Variants in TSHR observed in about 807,000 individuals in gnomAD.
TSHR encodes the protein thyroid stimulating hormone receptor, also known as thyrotropin receptor.
Under a neutral mutation model 64.1 loss-of-function variants are expected in TSHR, and 51 were observed. The observed-to-expected ratio is 0.80, with a 90% CI of 0.64 to 1.01. The LOEUF (loss-of-function observed/expected upper bound fraction) is 1.01. TSHR is among the 50% of genes least tolerant of loss of function. The pLI, the probability that TSHR is intolerant of heterozygous loss-of-function variation, is 0.00. For missense variants in TSHR, 877 were observed against 942.8 expected (o/e 0.93, Z 0.91); for synonymous variants, 361 against 361.9 (o/e 1.00, Z 0.03).
chr14:81,104,730 T>A (rs190790149), intron 7 of TSHR: 20,297 of 985,378 alleles, frequency 0.021, 222 homozygotes, highest in Non-Finnish European at 0.023. Context: ...TTTTCCTGAC[T>A]GCATTGGTCT....
chr14:81,014,811 A>T (rs1890101438), intron 1 of TSHR, among the ~76,000 whole-genome samples: 1 of 152,236 alleles, frequency 6.6e-6, no homozygotes, highest in Admixed American at 6.5e-5. Context: ...AATGCCTTCC[A>T]AAGCCTTGGT....
At chr14:81,048,663 T>G (rs895860801) in intron 1 of TSHR, among the ~76,000 whole-genome samples, 1 of 152,182 alleles carries the variant, frequency 6.6e-6, no homozygotes, top group Admixed American at 6.5e-5. Flanking sequence ...TAAAAAATTT[T>G]TAAGTACATG....
chr14:81,141,939 A>T (rs1017644055), intron 9 of TSHR, among the ~76,000 whole-genome samples: 1 of 152,154 alleles, frequency 6.6e-6, no homozygotes, highest in Non-Finnish European at 1.5e-5. Flanking sequence ...AAAAAGATAA[A>T]TTCATTGAAT....
chr14:80,969,838 T>C (rs533193747), intron 1 of TSHR, among the ~76,000 whole-genome samples: 15 of 152,344 alleles, frequency 9.8e-5, no homozygotes, highest in African/African-American at 3.4e-4. Flanking sequence ...CCCATAGATA[T>C]AGCCATATTT....
At chr14:81,067,525 A>T (rs1275318539) in intron 2 of TSHR, among the ~76,000 whole-genome samples, 2 of 147,004 alleles carry the variant, frequency 1.4e-5, no homozygotes, top group Non-Finnish European at 3.0e-5. Flanking sequence ...CACTATATAT[A>T]ATCCCTATAT....
At chr14:81,059,570 G>A (rs185748293) in intron 1 of TSHR, among the ~76,000 whole-genome samples, 27 of 152,132 alleles carry the variant, frequency 1.8e-4, no homozygotes, top group East Asian at 7.7e-4. Context: ...TTGTCCCAGC[G>A]TGTTATCATG....
rs750272347 is a variant in TSHR at position 80,970,088 on chromosome 14, A to AT, written c.170+14246dup. Among the ~76,000 whole-genome samples the AT allele has an allele frequency of 1.2e-4, 18 of 152,020 alleles. No homozygotes were observed. The East Asian group carries it at 1.5e-3, about 13-fold the overall frequency. ...TGGGGCTGTAATGCAGCAGTAGTTC[A>AT]TTTTTTTTGGCTGGCATTAGCTTGT... On this transcript the variant is annotated intron_variant, in intron 1 of 9. Coordinates refer to ENST00000298171, the MANE Select transcript of TSHR (RefSeq NM_000369.5).
At chr14:81,004,564 T>C (rs1566758741) in intron 1 of TSHR, among the ~76,000 whole-genome samples, 2 of 152,180 alleles carry the variant, frequency 1.3e-5, no homozygotes, top group Admixed American at 1.3e-4. Flanking sequence ...CAAATGCCCA[T>C]CTGTAGCAAT....
rs1407837097 is a variant in TSHR, at chr14:81,145,088, A to G, written c.*735A>G. On this transcript the variant is annotated 3_prime_UTR_variant, in exon 10 of 10. Coordinates refer to ENST00000298171, the MANE Select transcript of TSHR (RefSeq NM_000369.5). ...CTCTTCTTGGCCAGCCTCATAGCAT[A>G]AAAGATGTGAACTCTAGGAAGTCTT... The G allele has an allele frequency of 4.3e-6, 1 of 233,184 alleles. No homozygotes were observed. The highest frequency in any genetic ancestry group is 5.6e-5 in the Admixed American group (1 of 17,790). 14.4% of individuals were successfully genotyped at this position (233,184 alleles called of 1,614,324 possible).
At chr14:80,979,879 T>G (rs1416621288) in intron 1 of TSHR, among the ~76,000 whole-genome samples, 1 of 152,188 alleles carries the variant, frequency 6.6e-6, no homozygotes, top group Non-Finnish European at 1.5e-5. Context: ...TTTCTTTTGT[T>G]CTTGCTAAAC....
At chr14:81,061,628 G>A (rs1469611214) in intron 1 of TSHR, among the ~76,000 whole-genome samples, 2 of 151,894 alleles carry the variant, frequency 1.3e-5, no homozygotes, top group Admixed American at 6.6e-5. Context: ...CAGACACTGG[G>A]GCCTGCTTGA....
intron 8 of TSHR, among the ~76,000 whole-genome samples, chr14:81,115,217 C>T (rs983053750): frequency 3.4e-4 from 52 of 151,892 alleles, no homozygotes; most frequent in Admixed American, 3.9e-4. Context: ...AGGCTTCAGA[C>T]GATCAAATTA....
intron 1 of TSHR, among the ~76,000 whole-genome samples, chr14:81,057,531 A>G (rs1268627101): frequency 6.6e-6 from 1 of 152,220 alleles, no homozygotes; most frequent in African/African-American, 2.4e-5. Context: ...CAACTTCACA[A>G]TATAAAAAAT....
rs2140030937 is a variant in TSHR at position 81,108,443 on chromosome 14, C to A, written c.683C>A (p.Pro228Gln). Residue 228 changes from proline (P) to glutamine (Q), a missense_variant, in exon 8 of 10, where the codon CCA becomes CAA. Physicochemically the swap from Pro to Gln is moderately conservative, Grantham distance 76. Transcript: ENST00000298171. ...GCATTTGGAGGAGTATACAGTGGAC[C>A]AAGCTTGCTGTGAGTAAGACATACA... ...KDAFGGVYSG[P>Q]SLLDVSQTSV... 1 of 1,613,052 alleles carries A rather than the reference C, an allele frequency of 6.2e-7. No homozygotes were observed. Among genetic ancestry groups the A allele is most frequent in the Non-Finnish European group, 8.5e-7 (1 of 1,179,738 alleles).
intron 1 of TSHR, among the ~76,000 whole-genome samples, chr14:81,044,333 C>G (rs1885061893): frequency 6.6e-6 from 1 of 152,088 alleles, no homozygotes; most frequent in Admixed American, 6.6e-5. Context: ...AAAAAAAGGT[C>G]AACATCACTG....
intron 1 of TSHR, chr14:80,983,710 G>A: frequency 2.1e-6 from 1 of 486,840 alleles, no homozygotes; most frequent in East Asian, 3.2e-5. Flanking sequence ...AAAGAGCCTT[G>A]TATCATATTT....
At chr14:81,132,666 A>G (rs1891296420) in intron 8 of TSHR, among the ~76,000 whole-genome samples, 1 of 152,186 alleles carries the variant, frequency 6.6e-6, no homozygotes, top group African/African-American at 2.4e-5. Flanking sequence ...GCGAGTAAAT[A>G]CTTGCTAGAG....
In TSHR at chr14:81,146,031, T is replaced by A. The variant is rs1489998639; in HGVS notation, c.*1678T>A. The A allele has an allele frequency of 4.3e-6, 1 of 231,358 alleles. No homozygotes were observed. The highest frequency in any genetic ancestry group is 8.6e-6 in the Non-Finnish European group (1 of 116,924). The allele number at this position is 231,358 out of a possible 1,614,324, so 14.3% of individuals were successfully genotyped here. Reference sequence around the variant, plus strand: ...CATCACTATCATTGAGACCTGCACATCTTAATAGAAATATTATAAACATCG... The same window carrying A: ...CATCACTATCATTGAGACCTGCACAACTTAATAGAAATATTATAAACATCG... On this transcript the variant is annotated 3_prime_UTR_variant, in exon 10 of 10. Transcript: ENST00000298171.
intron 1 of TSHR, among the ~76,000 whole-genome samples, chr14:80,999,834 C>G (rs1889210981): frequency 6.6e-6 from 1 of 152,064 alleles, no homozygotes; most frequent in African/African-American, 2.4e-5. Flanking sequence ...CAAGCAATCT[C>G]CAATTTATAG....
Sources: allele counts gnomAD v4.1 joint callset (sites outside exome capture counted in the v4.1 genomes callset), GRCh38; gene constraint gnomAD v4.1.1; transcripts MANE v1.5; gene names NCBI Gene and HGNC (gene_info 2026-07-23, HGNC 2026-07-21).